Variants in UGT1A5 observed in about 807,000 individuals in gnomAD.
The protein encoded by UGT1A5 is UDP-glucuronosyltransferase 1A5.
UGT1A5 carries 29 observed loss-of-function variants against 40.3 expected under a neutral mutation model. The ratio of observed to expected loss-of-function variants is 0.72; its 90% confidence interval spans 0.54 to 0.98. The LOEUF is 0.98. UGT1A5 is among the 50% of genes least tolerant of loss of function. The probability of loss-of-function intolerance (pLI) is 0.00; values close to 1 mark genes in which losing one functional copy is unlikely to be tolerated. For synonymous variants in UGT1A5, 257 were observed against 262.5 expected, an observed-to-expected ratio of 0.98 and a Z score of 0.20; for missense variants, 678 against 677.9, an observed-to-expected ratio of 1.00 and a Z score of 0.00.
Position 233,772,527 on chromosome 2 carries a change from G to C in UGT1A5, c.1573G>C (p.Val525Leu), listed in dbSNP as rs769084242. The part of the protein sequence containing the change: ...YRKCLGKKGR[V>L]KKAHKSKTH ...GAAATGCTTGGGGAAAAAAGGGCGA[G>C]TTAAGAAAGCCCACAAATCCAAGAC... Residue 525 changes from valine to leucine, a missense_variant, in exon 5 of 5, where the codon GTT (valine) becomes CTT (leucine). Physicochemically the swap from Val to Leu is conservative, Grantham distance 32 (BLOSUM62 1). Coordinates refer to ENST00000373414, the MANE Select transcript of UGT1A5 (RefSeq NM_019078.2). The C allele has an allele frequency of 1.9e-6, 3 of 1,614,046 alleles. No homozygotes were observed. The highest frequency in any genetic ancestry group is 1.6e-4 in the Middle Eastern group (1 of 6,084).
chr2:233,729,651 C>T (rs1188318703), intron 1 of UGT1A5: 5 of 1,613,894 alleles, frequency 3.1e-6, no homozygotes, highest in African/African-American at 2.7e-5. Context: ...TTTTGAGGAA[C>T]ATTCCATGTG....
chr2:233,733,221 G>A (rs531413389), intron 1 of UGT1A5, among the ~76,000 whole-genome samples: 6 of 152,072 alleles, frequency 3.9e-5, no homozygotes, highest in African/African-American at 1.4e-4. Context: ...GAGACAATGG[G>A]GTTTTCTAAA....
At chr2:233,714,045 A>G (rs963415304) in intron 1 of UGT1A5, among the ~76,000 whole-genome samples, 187 bp downstream of exon 1, 1 of 152,156 alleles carries the variant, frequency 6.6e-6, no homozygotes, top group Non-Finnish European at 1.5e-5. Context: ...CAGGGTTTCA[A>G]TGGCCACTGA....
intron 1 of UGT1A5, among the ~76,000 whole-genome samples, chr2:233,759,210 T>C (rs1169742751): frequency 6.6e-6 from 1 of 152,134 alleles, no homozygotes; most frequent in African/African-American, 2.4e-5. Context: ...CCCAATCAGG[T>C]CCATTTATGC....
At position 233,725,197 on chromosome 2, in the gene UGT1A5, C is replaced by G. The variant is rs183860264; in HGVS notation, c.867+11339C>G. 1.8e-3 allele frequency among the ~76,000 whole-genome samples: 143 copies of G among 80,676 alleles called. 7 individuals are homozygous for G. The highest frequency in any genetic ancestry group is 6.4e-3 in the Middle Eastern group (1 of 156). The allele number at this position is 80,676 out of a possible 152,430, so 52.9% of individuals were successfully genotyped here. A position where few individuals can be genotyped will look rare whatever the true frequency, so the allele number is the denominator to read the frequency against. On this transcript the variant is annotated intron_variant, in intron 1 of 4. Transcript: ENST00000373414. ...CCGTGGGGAGAGGCAGAGGCAGAGG[C>G]AGAGGCAGAGGCAGAGGCAGAGGAG...
At chr2:233,768,469 G>T (rs1403858659) in intron 4 of UGT1A5, 30 bp downstream of exon 4, 1 of 1,603,172 alleles carries the variant, frequency 6.2e-7, no homozygotes, top group East Asian at 2.2e-5. Flanking sequence ...AGAATACTTT[G>T]GTCATGGCAT....
chr2:233,733,972 G>A (rs2078461884), intron 1 of UGT1A5, among the ~76,000 whole-genome samples: 1 of 152,042 alleles, frequency 6.6e-6, no homozygotes, highest in South Asian at 2.1e-4. Flanking sequence ...AGGGGGAGCG[G>A]GGAGGGATAG....
At chr2:233,759,599 A>ACCCCCCCCCCCCCCCCC (rs1553620419) in intron 1 of UGT1A5, among the ~76,000 whole-genome samples, 1 of 108,732 alleles carries the variant, frequency 9.2e-6, no homozygotes, top group African/African-American at 3.3e-5. Flanking sequence ...CCCACCCCCG[A>ACCCCCCCCCCCCCCCCC]CCCGCCCCAC....
chr2:233,743,608 G>A (rs1692376104), intron 1 of UGT1A5: 5 of 1,367,320 alleles, frequency 3.7e-6, no homozygotes, highest in Non-Finnish European at 4.9e-6. Context: ...GGCCGCCGAA[G>A]AACTCCCTGA....
intron 1 of UGT1A5, chr2:233,747,633 C>T (rs1217240528): frequency 4.9e-5 from 78 of 1,580,658 alleles, no homozygotes; most frequent in Non-Finnish European, 6.7e-5. Flanking sequence ...GATCAGGCAC[C>T]TGAATGCTAC....
At chr2:233,758,427 T>A (rs1366242338) in intron 1 of UGT1A5, among the ~76,000 whole-genome samples, 1 of 152,228 alleles carries the variant, frequency 6.6e-6, no homozygotes, top group African/African-American at 2.4e-5. Flanking sequence ...GCAAATGAAC[T>A]CACACAGCAT....
intron 1 of UGT1A5, chr2:233,747,939 G>A (rs1693817235): frequency 2.5e-6 from 4 of 1,613,396 alleles, no homozygotes; most frequent in Non-Finnish European, 3.4e-6. Flanking sequence ...TCAGAGGGAG[G>A]TGTCAGTGGT....
At chr2:233,735,135 T>C (rs1287914959) in intron 1 of UGT1A5, among the ~76,000 whole-genome samples, 4 of 152,188 alleles carry the variant, frequency 2.6e-5, no homozygotes, top group Non-Finnish European at 4.4e-5. Flanking sequence ...CTCATTATTA[T>C]TGTGTGGGAG....
chr2:233,772,087 C>T (rs958943778), intron 4 of UGT1A5, among the ~76,000 whole-genome samples, 175 bp from the exon 5 acceptor site: 4 of 152,100 alleles, frequency 2.6e-5, no homozygotes, highest in African/African-American at 4.8e-5. Flanking sequence ...CACTCCAGCC[C>T]GGGCAACAGG....
At chr2:233,761,797 A>G (rs570450259) in intron 1 of UGT1A5, among the ~76,000 whole-genome samples, 2 of 152,324 alleles carry the variant, frequency 1.3e-5, no homozygotes, top group South Asian at 2.1e-4. Context: ...TCAGCAGAGG[A>G]TAGAAAAGAA....
chr2:233,754,735 A>C, intron 1 of UGT1A5: 1 of 652,450 alleles, frequency 1.5e-6, no homozygotes, highest in South Asian at 1.5e-5. Flanking sequence ...TCACTACCGT[A>C]GGACATGCAG....
chr2:233,765,991 C>T (rs939830697), intron 1 of UGT1A5, among the ~76,000 whole-genome samples: 3 of 152,048 alleles, frequency 2.0e-5, no homozygotes, highest in Admixed American at 1.3e-4. Context: ...TCCTGAAGCT[C>T]CAGTGGGCGT....
chr2:233,747,400 C>A (rs1293984424), intron 1 of UGT1A5: 3 of 1,606,860 alleles, frequency 1.9e-6, no homozygotes, highest in Non-Finnish European at 2.6e-6. Flanking sequence ...GTCCTCACCC[C>A]AGAGGTGAAT....
At position 233,713,454 on chromosome 2, in the gene UGT1A5, C is replaced by A. The variant is rs776428029; in HGVS notation, c.463C>A (p.His155Asn). 66 of 1,614,072 alleles carry A rather than the reference C, an allele frequency of 4.1e-5. 1 individual carries two copies. The highest frequency in any genetic ancestry group is 3.1e-4 in the South Asian group (28 of 91,036). The part of the protein sequence containing the change: ...SFDVVLTDPF[H>N]LCAAVLAKYL... ...TGATGTGGTTCTAACAGACCCCTTTCACCTCTGCGCGGCGGTGCTGGCTAA... is the reference window on the plus strand; with the variant it reads ...TGATGTGGTTCTAACAGACCCCTTTAACCTCTGCGCGGCGGTGCTGGCTAA... The change falls in exon 1 of 5, where the codon CAC becomes AAC. Residue 155 changes from histidine to asparagine, a missense_variant. By Grantham distance (68) the His-to-Asn change is moderately conservative. Transcript: ENST00000373414.
Sources: allele counts gnomAD v4.1 joint callset (sites outside exome capture counted in the v4.1 genomes callset), GRCh38; gene constraint gnomAD v4.1.1; transcripts MANE v1.5; gene names NCBI Gene and HGNC (gene_info 2026-07-23, HGNC 2026-07-21).